Variants in KIAA1328 observed in about 807,000 individuals in gnomAD.
The protein encoded by KIAA1328 is KIAA1328.
A neutral mutation model predicts 68.1 loss-of-function variants in KIAA1328; 52 were observed. The observed-to-expected ratio is 0.76, with a 90% CI of 0.61 to 0.96. The LOEUF (loss-of-function observed/expected upper bound fraction) is 0.96, where lower values mean the gene tolerates loss of function less well. KIAA1328 is among the 40% of genes least tolerant of loss of function. The probability of loss-of-function intolerance (pLI) is 0.00; values close to 1 mark genes in which losing one functional copy is unlikely to be tolerated. For synonymous variants in KIAA1328, 232 were observed against 239.4 expected (o/e 0.97, Z 0.28); for missense variants, 641 against 677.6 (o/e 0.95, Z 0.60).
At chr18:36,895,777 A>G in intron 5 of KIAA1328, 1 of 456,278 alleles carries the variant, frequency 2.2e-6, no homozygotes, top group Non-Finnish European at 4.4e-6. Context: ...GGAGGCAATT[A>G]AGGTTAAATG....
At chr18:37,035,674 A>G (rs1428844483) in intron 6 of KIAA1328, among the ~76,000 whole-genome samples, 1 of 152,222 alleles carries the variant, frequency 6.6e-6, no homozygotes, top group African/African-American at 2.4e-5. Flanking sequence ...TTCCCGTATT[A>G]TAGTTTTATC....
At chr18:37,118,091 C>T (rs747217657) in intron 7 of KIAA1328, among the ~76,000 whole-genome samples, 40 of 150,864 alleles carry the variant, frequency 2.7e-4, no homozygotes, top group Non-Finnish European at 4.1e-4. Context: ...ACCTCTTGGG[C>T]CCTAGCAATC....
chr18:37,143,887 A>T (rs1163936245), intron 7 of KIAA1328, among the ~76,000 whole-genome samples: 1 of 152,054 alleles, frequency 6.6e-6, no homozygotes, highest in East Asian at 1.9e-4. Flanking sequence ...CTTGGCCGTG[A>T]TATGGTACCA....
At chr18:37,044,650 A>T (rs77843506) in intron 6 of KIAA1328, among the ~76,000 whole-genome samples, 5 of 151,942 alleles carry the variant, frequency 3.3e-5, no homozygotes, top group Admixed American at 6.6e-5. Context: ...ACAAAAAAAA[A>T]TTAGCTGGGC....
intron 7 of KIAA1328, among the ~76,000 whole-genome samples, chr18:37,082,525 C>G (rs994222172): frequency 6.6e-6 from 1 of 152,164 alleles, no homozygotes; most frequent in African/African-American, 2.4e-5. Flanking sequence ...TATACACAAG[C>G]TGTTGTTTAT....
chr18:37,076,399 C>T (rs1358624785), intron 7 of KIAA1328, among the ~76,000 whole-genome samples: 1 of 151,882 alleles, frequency 6.6e-6, no homozygotes, highest in African/African-American at 2.4e-5. Context: ...CCAAAATTGA[C>T]ACCCTAACAT....
At chr18:36,893,294 A>G (rs1487588445) in intron 5 of KIAA1328, among the ~76,000 whole-genome samples, 2 of 151,584 alleles carry the variant, frequency 1.3e-5, no homozygotes, top group East Asian at 3.9e-4. Context: ...TTTATTTGAG[A>G]TAGAATCTTG....
intron 6 of KIAA1328, among the ~76,000 whole-genome samples, chr18:36,972,457 A>G (rs2052266261): frequency 6.6e-6 from 1 of 152,232 alleles, no homozygotes; most frequent in African/African-American, 2.4e-5. Flanking sequence ...ACACAGAGGA[A>G]GAGCAGAATA....
chr18:37,079,751 G>A (rs77520061), intron 7 of KIAA1328, among the ~76,000 whole-genome samples: 4 of 152,002 alleles, frequency 2.6e-5, no homozygotes, highest in Non-Finnish European at 2.9e-5. Flanking sequence ...GCCAGGCATG[G>A]TGGTGGGCGC....
intron 9 of KIAA1328, among the ~76,000 whole-genome samples, chr18:37,217,807 A>G (rs1345813753): frequency 2.0e-5 from 3 of 152,204 alleles, no homozygotes; most frequent in East Asian, 1.9e-4. Flanking sequence ...AGGTACACCA[A>G]TCAAACGTAG....
intron 6 of KIAA1328, among the ~76,000 whole-genome samples, chr18:37,045,731 TAC>T (rs1260847088): frequency 2.6e-5 from 4 of 152,226 alleles, no homozygotes; most frequent in Non-Finnish European, 4.4e-5. Flanking sequence ...GCCTTCCTTT[TAC>T]ATGTACTGTT....
downstream of KIAA1328, among the ~76,000 whole-genome samples, chr18:37,228,512 G>A (rs2060650692): frequency 6.6e-6 from 1 of 152,096 alleles, no homozygotes; most frequent in Non-Finnish European, 1.5e-5. Context: ...AAGACCCTCA[G>A]TGAGCAAAAA....
At chr18:36,945,754 G>C (rs1341580315) in intron 5 of KIAA1328, among the ~76,000 whole-genome samples, 1 of 152,132 alleles carries the variant, frequency 6.6e-6, no homozygotes, top group Non-Finnish European at 1.5e-5. Context: ...TAAAAGTGTG[G>C]GTGGGTGATA....
intron 6 of KIAA1328, among the ~76,000 whole-genome samples, chr18:36,970,040 T>C (rs767633774): frequency 1.2e-4 from 19 of 152,194 alleles, no homozygotes; most frequent in Non-Finnish European, 2.6e-4. Context: ...CCAATGAACA[T>C]TGATGTGAAA....
intron 9 of KIAA1328, among the ~76,000 whole-genome samples, chr18:37,217,180 T>C (rs2060460370): frequency 6.6e-6 from 1 of 152,082 alleles, no homozygotes; most frequent in African/African-American, 2.4e-5. Context: ...TTAAGGTTAA[T>C]ATTGTTATGT....
intron 4 of KIAA1328, among the ~76,000 whole-genome samples, chr18:36,881,596 C>G (rs1055737828): frequency 7.2e-5 from 11 of 152,162 alleles, no homozygotes; most frequent in Non-Finnish European, 1.6e-4. Flanking sequence ...TATGCATTAG[C>G]ACTCACTGCC....
At position 37,222,151 on chromosome 18, in the gene KIAA1328, G is replaced by A. The variant is rs756834650; in HGVS notation, c.1658G>A (p.Arg553Gln). Residue 553 changes from arginine to glutamine, a missense_variant, in exon 10 of 10, where the codon CGG becomes CAG. Physicochemically the swap from Arg to Gln is conservative, Grantham distance 43. Coordinates refer to ENST00000280020, the MANE Select transcript of KIAA1328 (RefSeq NM_020776.3). ...TFRLSPLKST[R>Q]KKMGMHRTPE... is the part of the protein sequence containing the mutation. ...CGACTCAGTCCTCTAAAATCAACCC[G>A]GAAGAAGATGGGGATGCACAGAACC... is the stretch of plus-strand genomic sequence containing the variant. The A allele has an allele frequency of 1.7e-5, 28 of 1,608,362 alleles. No homozygotes were observed. The highest frequency in any genetic ancestry group is 9.4e-5 in the African/African-American group (7 of 74,824).
At chr18:36,890,126 T>G (rs558832298) in intron 5 of KIAA1328, among the ~76,000 whole-genome samples, 28 of 152,168 alleles carry the variant, frequency 1.8e-4, no homozygotes, top group African/African-American at 5.8e-4. Flanking sequence ...AAGGTGCTTG[T>G]AGCTCACATC....
At chr18:37,033,923 G>A (rs191812565) in intron 6 of KIAA1328, among the ~76,000 whole-genome samples, 212 of 152,294 alleles carry the variant, frequency 1.4e-3, no homozygotes, top group African/African-American at 4.9e-3. Context: ...TGCCTGAATA[G>A]CTGAACGTAT....
Sources: gnomAD v4.1 joint callset for allele counts (sites outside exome capture counted in the v4.1 genomes callset) on GRCh38, gnomAD v4.1.1 for gene constraint, MANE v1.5 for transcripts, NCBI Gene and HGNC (gene_info 2026-07-23, HGNC 2026-07-21) for gene names.